ZNF195: variants seen among roughly 807,000 people sequenced by gnomAD.
ZNF195 encodes hypoxia-regulated factor-1.
ZNF195 carries 11 observed loss-of-function variants against 19.5 expected under a neutral mutation model. The ratio of observed to expected loss-of-function variants is 0.57; its 90% CI spans 0.36 to 0.94. ZNF195 has a LOEUF of 0.94. Ranked by LOEUF, ZNF195 falls within the 40% of genes least tolerant of loss-of-function variation. The pLI is 0.01. For missense variants in ZNF195, 582 were observed against 709.0 expected (o/e 0.82, Z 2.03); for synonymous variants, 214 against 248.1 (o/e 0.86, Z 1.29).
chr11:3,367,086 T>C (rs1447616308), intron 3 of ZNF195: 1 of 218,244 alleles, frequency 4.6e-6, no homozygotes. Context: ...AAAAGCATAA[T>C]TTTCTTAAAA....
chr11:3,358,778 C>CTCCTTCAAAACCT lies in ZNF195; in HGVS notation c.*339_*340insAGGTTTTGAAGGA. 5.1e-4 allele frequency: 1 copy of CTCCTTCAAAACCT among 1,962 alleles called. No individual in the cohort carries two copies. Among genetic ancestry groups the CTCCTTCAAAACCT allele is most frequent in the Non-Finnish European group, 1.0e-3 (1 of 994 alleles). The allele number at this position is 1,962 out of a possible 1,614,324, so 0.1% of individuals were successfully genotyped here. ...TCTGAACGTGTCCTTGCTTATTTTT[C>CTCCTTCAAAACCT]CCATTTAGTGTATTTGCAAAATATC... is the stretch of plus-strand genomic sequence containing the variant. On this transcript the variant is annotated 3_prime_UTR_variant, in exon 6 of 6. Coordinates refer to ENST00000399602, the MANE Select transcript of ZNF195 (RefSeq NM_001130520.3).
intron 5 of ZNF195, 67 bp from the exon 6 acceptor site, chr11:3,360,632 T>C (rs1417752190): frequency 1.3e-6 from 2 of 1,550,850 alleles, no homozygotes; most frequent in Admixed American, 2.1e-5. Context: ...GAATCTAATC[T>C]ATAAAATAAT....
intron 1 of ZNF195, 48 bp from the exon 2 acceptor site, chr11:3,371,751 T>C: frequency 6.5e-7 from 1 of 1,547,832 alleles, no homozygotes; most frequent in South Asian, 1.2e-5. Context: ...CGAGGTGAAA[T>C]GAGCGAGTGA....
chr11:3,369,430 C>A (rs1849070018), intron 3 of ZNF195: 2 of 426,214 alleles, frequency 4.7e-6, no homozygotes, highest in Non-Finnish European at 9.6e-6. Context: ...GAAGAATTAT[C>A]TGCTCCCTCA....
rs964710282 is a variant in ZNF195, at chr11:3,360,094, C to T, written c.914G>A (p.Cys305Tyr). ...TGEKPYKCQECNNVIKTCSVL... is the reference protein window; with the variant it reads ...TGEKPYKCQEYNNVIKTCSVL... ...TGAGCAAGTTTTAATGACGTTGTTACATTCTTGACACTTGTAAGGTTTCTC... is the reference window on the plus strand; with the variant it reads ...TGAGCAAGTTTTAATGACGTTGTTATATTCTTGACACTTGTAAGGTTTCTC... Residue 305 changes from cysteine (C) to tyrosine (Y), a missense_variant, in exon 6 of 6, where the codon TGT (cysteine) becomes TAT (tyrosine). Transcript: ENST00000399602. 13 of 1,614,038 alleles carry T rather than the reference C, an allele frequency of 8.1e-6. No homozygotes were observed. The African/African-American group carries it at 1.6e-4, about 20-fold the overall frequency.
At chr11:3,373,735 C>T in intron 1 of ZNF195, 1 of 1,050,628 alleles carries the variant, frequency 9.5e-7, no homozygotes, top group South Asian at 1.5e-5. Context: ...AACAGAAAGA[C>T]CAAGAAATAC....
chr11:3,365,428 A>G (rs1053009322), intron 3 of ZNF195, among the ~76,000 whole-genome samples: 2 of 152,228 alleles, frequency 1.3e-5, no homozygotes, highest in African/African-American at 2.4e-5. Flanking sequence ...TTCTAACCAA[A>G]ATGTAATAAA....
chr11:3,360,770 A>C lies in ZNF195; in HGVS notation c.392T>G (p.Val131Gly). ...TAAAAACCATTTCACAGTTTGCAGCACCCCAGGTGAGCACAGTGCTAGGAG... is the reference window on the plus strand; with the variant it reads ...TAAAAACCATTTCACAGTTTGCAGCCCCCCAGGTGAGCACAGTGCTAGGAG... ...DKFTALCSPG[V>G]LQTVKWFLEF... Residue 131 changes from valine (V) to glycine (G), a missense_variant, in exon 5 of 6, where the codon GTG (valine) becomes GGG (glycine). Physicochemically the swap from Val to Gly is moderately radical, Grantham distance 109 (BLOSUM62 -3). Around this residue, in one of 3 missense-constraint regions of ZNF195, gnomAD observed 129 missense variants for 112.1 expected, o/e 1.15. Transcript: ENST00000399602. 6.4e-7 allele frequency: 1 copy of C among 1,551,508 alleles called. No homozygotes were observed. Among genetic ancestry groups the C allele is most frequent in the South Asian group, 1.2e-5 (1 of 84,056 alleles).
At chr11:3,362,417 C>A (rs980785095) in intron 3 of ZNF195, 2 of 339,638 alleles carry the variant, frequency 5.9e-6, no homozygotes, top group East Asian at 4.1e-5. Flanking sequence ...GAAAAATAAT[C>A]ATAAATAACT....
chr11:3,369,476 T>C (rs561908213), intron 3 of ZNF195: 3 of 453,398 alleles, frequency 6.6e-6, no homozygotes, highest in Non-Finnish European at 1.3e-5. Context: ...TGTCAAGATA[T>C]AAAGACAAGC....
chr11:3,373,534 A>C (rs372300540), intron 1 of ZNF195: 1 of 1,459,146 alleles, frequency 6.9e-7, no homozygotes, highest in Non-Finnish European at 9.4e-7. Context: ...ATGACATTTC[A>C]GGAGCAAAAG....
At position 3,359,337 on chromosome 11, in the gene ZNF195, T is replaced by C. The variant is rs770428193; in HGVS notation, c.1671A>G (p.Arg557=). 1.7e-5 allele frequency: 28 copies of C among 1,613,572 alleles called. No homozygotes were observed. Among genetic ancestry groups the C allele is most frequent in the Non-Finnish European group, 1.6e-5 (19 of 1,179,858 alleles). Residue 557 remains arginine (R), a synonymous_variant, in exon 6 of 6, where the codon AGA becomes AGG. Transcript: ENST00000399602. The surrounding 1 kb of genome is among the most constrained non-coding windows in gnomAD (Gnocchi z 5.5). ...EKPYKCEECG[R]VFMWFSDITK... ...TAATGTCTGAGAACCACATGAAGAC[T>C]CTGCCACATTCTTCACACTTGTAGG...
In ZNF195 at chr11:3,361,843, G is replaced by A. The variant is rs186219747; in HGVS notation, c.273C>T (p.Gly91=). The change falls in exon 4 of 6, where the codon GGC becomes GGT. Residue 91 remains glycine, a synonymous_variant. Transcript: ENST00000399602. The stretch of plus-strand genomic sequence containing the variant: ...AGGCTGAGGCAGGCAGATCGCTTGA[G>A]CCCAGGAGTTCAAGACAAGCCTGAG... ...HATQACLELL[G]SSDLPASASQ... 8.7e-5 allele frequency: 52 copies of A among 597,998 alleles called. No homozygotes were observed. Among genetic ancestry groups the A allele is most frequent in the African/African-American group, 5.2e-4 (27 of 52,376 alleles). The allele number at this position is 597,998 out of a possible 1,614,324, so 37.0% of individuals were successfully genotyped here. A position where few individuals can be genotyped will look rare whatever the true frequency, so the allele number is the denominator to read the frequency against.
intron 3 of ZNF195, chr11:3,362,110 T>TG: frequency 2.8e-6 from 1 of 359,996 alleles, no homozygotes. Flanking sequence ...ATAGTCTAAT[T>TG]GCTGAACACA....
Position 3,360,376 on chromosome 11 carries a change from G to A in ZNF195, c.632C>T (p.Thr211Ile), listed in dbSNP as rs1848572373. 1.2e-6 allele frequency: 2 copies of A among 1,607,910 alleles called. No homozygotes were observed. The highest frequency in any genetic ancestry group is 1.3e-5 in the African/African-American group (1 of 74,488). ...YNGLNQCSSTTHSKIFQYNKY... is the reference protein window; with the variant it reads ...YNGLNQCSSTIHSKIFQYNKY... ...ATTATATTGAAAGATTTTGCTATGG[G>A]TAGTTGATGAACATTGGTTAAGTCC... Residue 211 changes from threonine (T) to isoleucine (I), a missense_variant, in exon 6 of 6, where the codon ACC becomes ATC. Physicochemically the swap from Thr to Ile is moderately conservative, Grantham distance 89. Around this residue, in one of 3 missense-constraint regions of ZNF195, gnomAD observed 407 missense variants for 530.5 expected, o/e 0.77. Transcript: ENST00000399602.
In ZNF195 at chr11:3,371,037, C is replaced by A; in HGVS notation, c.164G>T (p.Cys55Phe). ...CCAGGGCTCTTTTCGTTGCTCCAGG[C>A]AGGTGATCAGGCCTGGCTTACAGAC... Reference protein sequence around the residue: ...LTVCKPGLITCLEQRKEPWNV... With the variant: ...LTVCKPGLITFLEQRKEPWNV... The change falls in exon 3 of 6, where the codon TGC (cysteine) becomes TTC (phenylalanine). Residue 55 changes from cysteine to phenylalanine, a missense_variant. Around this residue, in one of 3 missense-constraint regions of ZNF195, gnomAD observed 46 missense variants for 66.5 expected, o/e 0.69. Transcript: ENST00000399602. 1 of 1,614,096 alleles carries A rather than the reference C, an allele frequency of 6.2e-7. No homozygotes were observed. Among genetic ancestry groups the A allele is most frequent in the South Asian group, 1.1e-5 (1 of 91,080 alleles).
At position 3,379,089 on chromosome 11, in the gene ZNF195, C is replaced by T; in HGVS notation, c.-49G>A. 1 of 1,487,564 alleles carries T rather than the reference C, an allele frequency of 6.7e-7. No homozygotes were observed. The highest frequency in any genetic ancestry group is 9.0e-7 in the Non-Finnish European group (1 of 1,109,436). The allele number at this position is 1,487,564 out of a possible 1,614,324, so 92.1% of individuals were successfully genotyped here. On this transcript the variant is annotated 5_prime_UTR_variant, in exon 1 of 6. Coordinates refer to ENST00000399602, the MANE Select transcript of ZNF195 (RefSeq NM_001130520.3). ...CGTTTCACTTCTGGATCTCCCGGTG[C>T]CTGCGGGTCACACGACCTACGGCTA...
chr11:3,363,182 A>G (rs1313068637), intron 3 of ZNF195: 1 of 152,248 alleles, frequency 6.6e-6, no homozygotes, highest in Admixed American at 6.5e-5. Flanking sequence ...ACAGCATCAA[A>G]GCAAGAAACA....
intron 1 of ZNF195, 110 bp downstream of exon 1, chr11:3,378,928 G>T: frequency 8.0e-7 from 1 of 1,251,848 alleles, no homozygotes; most frequent in Non-Finnish European, 1.0e-6. Flanking sequence ...AGGGGCCTCG[G>T]GTCCGCGGAG....
Sources: allele counts gnomAD v4.1 joint callset (sites outside exome capture counted in the v4.1 genomes callset), GRCh38; gene constraint gnomAD v4.1.1; regional missense constraint gnomAD v4.1.1; non-coding constraint Gnocchi (gnomAD v3.1); transcripts MANE v1.5; gene names NCBI Gene and HGNC (gene_info 2026-07-23, HGNC 2026-07-21).